FGD5: variants seen among roughly 807,000 people sequenced by gnomAD.
The protein encoded by FGD5 is FYVE, RhoGEF and PH domain containing 5, also known as FYVE, RhoGEF and PH domain-containing protein 5.
FGD5 carries 28 observed loss-of-function variants against 133.4 expected under a neutral mutation model. The observed-to-expected ratio is 0.21, with a 90% CI of 0.16 to 0.29. The LOEUF is 0.29. Among genes scored for constraint, FGD5 ranks in the 10% least tolerant of loss-of-function variants. The pLI is 1.00. For missense variants in FGD5, 1,858 were observed against 1,895.2 expected, an observed-to-expected ratio of 0.98 and a Z score of 0.36; for synonymous variants, 810 against 776.5, an observed-to-expected ratio of 1.04 and a Z score of -0.72.
rs77774191 is a variant in FGD5, at chr3:14,821,516, C to T, written c.2445C>T (p.Asn815=). 6.1e-4 allele frequency: 981 copies of T among 1,613,942 alleles called. 28 individuals carry two copies. The East Asian group carries it at 0.02, about 33-fold the overall frequency. ...AGAGCAGAGCCCTGTCCACAGCAAA[C>T]GAAAATGATGGCTACGTGGACATGA... ...EDQSRALSTA[N]ENDGYVDMSS... The change falls in exon 1 of 20, where the codon AAC becomes AAT. Residue 815 remains asparagine (N), a synonymous_variant. Transcript: ENST00000285046.
intron 4 of FGD5, among the ~76,000 whole-genome samples, chr3:14,894,303 T>C (rs2038090768): frequency 6.6e-6 from 1 of 152,206 alleles, no homozygotes; most frequent in South Asian, 2.1e-4. Context: ...TTTTTATGGC[T>C]GAATACTATT....
chr3:14,819,449 G>C lies in FGD5; in HGVS notation c.378G>C (p.Pro126=). 6.4e-7 allele frequency: 1 copy of C among 1,550,492 alleles called. No homozygotes were observed. Among genetic ancestry groups the C allele is most frequent in the Non-Finnish European group, 8.7e-7 (1 of 1,146,440 alleles). Residue 126 remains proline, a synonymous_variant, in exon 1 of 20, where the codon CCG becomes CCC. Coordinates refer to ENST00000285046, the MANE Select transcript of FGD5 (RefSeq NM_152536.4). The surrounding 1 kb of genome is among the most constrained non-coding windows in gnomAD (Gnocchi z 4.1). The stretch of plus-strand genomic sequence containing the variant: ...AGGATTCAGTGGCCCCTGCTGCTCC[G>C]GGTGCAGGAGCGCTGAGCAGGGAGG... The part of the protein sequence containing the change: ...AGEDSVAPAA[P]GAGALSREGE...
upstream of FGD5, among the ~76,000 whole-genome samples, chr3:14,816,501 T>A (rs1197422835): frequency 6.6e-6 from 1 of 152,122 alleles, no homozygotes; most frequent in African/African-American, 2.4e-5. Context: ...TTTAAAACAA[T>A]CCATTGAGGG....
chr3:14,934,035 CTG>C lies in FGD5; in HGVS notation c.*872_*873del, dbSNP rs2038941651. ...CTGCTTTAATTTATTGTGTGCCTTT[CTG>C]TGTTTACCTCACTCAAGCTGACAAC... On this transcript the variant is annotated 3_prime_UTR_variant, in exon 20 of 20. Coordinates refer to ENST00000285046, the MANE Select transcript of FGD5 (RefSeq NM_152536.4). 2 of 152,320 alleles carry C rather than the reference CTG, an allele frequency of 1.3e-5. No homozygotes were observed. Among genetic ancestry groups the C allele is most frequent in the Admixed American group, 1.3e-4 (2 of 15,300 alleles). The allele number at this position is 152,320 out of a possible 1,614,324, so 9.4% of individuals were successfully genotyped here. A position where few individuals can be genotyped will look rare whatever the true frequency, so the allele number is the denominator to read the frequency against.
In FGD5 at chr3:14,926,012, T is replaced by C. The variant is rs1306649590; in HGVS notation, c.4069-58T>C. The C allele has an allele frequency of 6.2e-6, 10 of 1,603,204 alleles. No homozygotes were observed. In the South Asian group the frequency reaches 1.0e-4, roughly 16 times the overall value. ...TGCAGTGTCATTTTGAATTGTGCTC[T>C]GTTTGAACTGTGCCTGACCACCGGG... On this transcript the variant is annotated intron_variant, in intron 17 of 19. Coordinates refer to ENST00000285046, the MANE Select transcript of FGD5 (RefSeq NM_152536.4).
At position 14,922,154 on chromosome 3, in the gene FGD5, C is replaced by T; in HGVS notation, c.3669+137C>T. 9.6e-7 allele frequency: 1 copy of T among 1,040,252 alleles called. No homozygotes were observed. The highest frequency in any genetic ancestry group is 1.4e-6 in the Non-Finnish European group (1 of 707,726). 64.4% of individuals were successfully genotyped at this position (1,040,252 alleles called of 1,614,324 possible). A position where few individuals can be genotyped will look rare whatever the true frequency, so the allele number is the denominator to read the frequency against. On this transcript the variant is annotated intron_variant, in intron 14 of 19. Coordinates refer to ENST00000285046, the MANE Select transcript of FGD5 (RefSeq NM_152536.4). This position sits in a 1 kb window ranked among gnomAD's most constrained non-coding sequence, Gnocchi z 4.1. ...GGCACTGGCTCCCCCCACACCCCTG[C>T]CATGCTCCCACCCTAGTCAGGGGCG...
intron 7 of FGD5, 98 bp from the exon 8 acceptor site, chr3:14,900,305 A>G (rs1343200859): frequency 1.9e-5 from 24 of 1,251,998 alleles, no homozygotes; most frequent in Non-Finnish European, 2.8e-5. Flanking sequence ...TGGATGCTTC[A>G]TTCTTCCAAC....
chr3:14,830,965 TA>T (rs1321419661), intron 1 of FGD5, among the ~76,000 whole-genome samples: 1 of 151,996 alleles, frequency 6.6e-6, no homozygotes, highest in Non-Finnish European at 1.5e-5. Context: ...AAAAGAAGAA[TA>T]AAAAAATCAA....
At position 14,924,149 on chromosome 3, in the gene FGD5, C is replaced by T. The variant is rs766564483; in HGVS notation, c.4068+11C>T. The T allele has an allele frequency of 2.5e-6, 4 of 1,613,794 alleles. No individual in the cohort carries two copies. Among genetic ancestry groups the T allele is most frequent in the Admixed American group, 1.7e-5 (1 of 60,000 alleles). On this transcript the variant is annotated intron_variant, in intron 17 of 19. Coordinates refer to ENST00000285046, the MANE Select transcript of FGD5 (RefSeq NM_152536.4). ...TCAGCCCTGACAGAGGTAAAGCAGG[C>T]AGGGCTACCCAAGTGGGAAGTAGGG...
intron 9 of FGD5, among the ~76,000 whole-genome samples, chr3:14,905,166 A>T (rs1228819882): frequency 6.6e-6 from 1 of 152,056 alleles, no homozygotes; most frequent in African/African-American, 2.4e-5. Context: ...GGGTGTAGAA[A>T]CCTGGATGGA....
chr3:14,841,760 T>C (rs1575201284), intron 1 of FGD5, among the ~76,000 whole-genome samples: 1 of 151,148 alleles, frequency 6.6e-6, no homozygotes, highest in Non-Finnish European at 1.5e-5. Context: ...GAGTGGGGGG[T>C]TCCTGCCCCC....
In FGD5 at chr3:14,893,758, T is replaced by TTC. The variant is rs1450869833; in HGVS notation, c.2749-3750_2749-3749insCT. 2.9e-4 allele frequency among the ~76,000 whole-genome samples: 40 copies of TTC among 136,388 alleles called. 1 individual carries two copies. Among genetic ancestry groups the TTC allele is most frequent in the African/African-American group, 3.0e-4 (11 of 36,972 alleles). The allele number at this position is 136,388 out of a possible 152,430, so 89.5% of individuals were successfully genotyped here. On this transcript the variant is annotated intron_variant, in intron 4 of 19. Transcript: ENST00000285046. ...TTTCTTTCTTTTCTTTTTTCTTTTT[T>TTC]TTTTTTTTTTTTTTGAGACAGAGTC...
intron 11 of FGD5, among the ~76,000 whole-genome samples, chr3:14,913,791 A>T (rs1216283710): frequency 6.6e-6 from 1 of 152,032 alleles, no homozygotes; most frequent in Non-Finnish European, 1.5e-5. Flanking sequence ...GTCTTGGCTC[A>T]CTGGCCCTCA....
chr3:14,918,409 C>T (rs911303796), intron 12 of FGD5, among the ~76,000 whole-genome samples: 1 of 152,090 alleles, frequency 6.6e-6, no homozygotes, highest in African/African-American at 2.4e-5. Context: ...AGGTTTGTTC[C>T]CTTTTGGAAC....
At chr3:14,911,690 G>A (rs1480498778) in intron 11 of FGD5, among the ~76,000 whole-genome samples, 1 of 150,986 alleles carries the variant, frequency 6.6e-6, no homozygotes, top group Non-Finnish European at 1.5e-5. Flanking sequence ...AAAAATCCCA[G>A]GTCTTGCCCT....
intron 2 of FGD5, among the ~76,000 whole-genome samples, chr3:14,865,119 A>ACCCCCCCCCCCCCCC (rs1216267069): frequency 7.1e-6 from 1 of 140,744 alleles, no homozygotes; most frequent in Non-Finnish European, 1.5e-5. Flanking sequence ...CCCCCACCCA[A>ACCCCCCCCCCCCCCC]CCCACCCATC....
intron 2 of FGD5, among the ~76,000 whole-genome samples, chr3:14,865,049 G>C (rs1404008776): frequency 6.6e-6 from 1 of 152,196 alleles, no homozygotes; most frequent in African/African-American, 2.4e-5. Context: ...ATGGGGCTTA[G>C]GCATTTGTTC....
intron 1 of FGD5, among the ~76,000 whole-genome samples, chr3:14,827,558 A>G (rs1191521275): frequency 6.6e-6 from 1 of 152,070 alleles, no homozygotes; most frequent in African/African-American, 2.4e-5. Context: ...ACAGGGTGGC[A>G]CAGCCACCCC....
In FGD5 at chr3:14,880,724, C is replaced by T. The variant is rs1300141256; in HGVS notation, c.2718-18C>T. 4 of 1,613,906 alleles carry T rather than the reference C, an allele frequency of 2.5e-6. No homozygotes were observed. The highest frequency in any genetic ancestry group is 1.3e-5 in the African/African-American group (1 of 74,936). ...AGGATGGGGATTAATGCAGCCTCAA[C>T]CCTCTTTCCCTCTGCAGATACGTGG... On this transcript the variant is annotated intron_variant, in intron 3 of 19. Transcript: ENST00000285046.
Sources: gnomAD v4.1 joint callset for allele counts (sites outside exome capture counted in the v4.1 genomes callset) on GRCh38, gnomAD v4.1.1 for gene constraint, Gnocchi (gnomAD v3.1) non-coding constraint, MANE v1.5 for transcripts, NCBI Gene and HGNC (gene_info 2026-07-23, HGNC 2026-07-21) for gene names.